Variants in PGGT1B observed in about 807,000 individuals in gnomAD.
The protein encoded by PGGT1B is geranylgeranyl transferase type-1 subunit beta.
PGGT1B carries 30 observed loss-of-function variants against 46.1 expected under a neutral mutation model. That is an observed-to-expected ratio of 0.65 (90% CI 0.49 to 0.88). PGGT1B has a LOEUF of 0.88. Among genes scored for constraint, PGGT1B ranks in the 40% least tolerant of loss-of-function variants. PGGT1B has a pLI of 0.00. For missense variants in PGGT1B, 376 were observed against 455.9 expected, an observed-to-expected ratio of 0.82 and a Z score of 1.60; for synonymous variants, 170 against 160.0, an observed-to-expected ratio of 1.06 and a Z score of -0.47.
rs544020551 is a variant in PGGT1B at position 115,254,769 on chromosome 5, T to A, written c.141-1514A>T. Among the ~76,000 whole-genome samples, 4 of 152,250 alleles carry A rather than the reference T, an allele frequency of 2.6e-5. No homozygotes were observed. In the East Asian group the frequency reaches 7.7e-4, roughly 29 times the overall value. ...TTTGGGTGCACTTCAGAAATAAATA[T>A]TTGGGAAACATCCTATTGAGAGACT... On this transcript the variant is annotated intron_variant, in intron 1 of 8. Coordinates refer to ENST00000419445, the MANE Select transcript of PGGT1B (RefSeq NM_005023.4).
In PGGT1B at chr5:115,204,884, T is replaced by G. The variant is rs1469708453; in HGVS notation, c.*7518A>C. 6.6e-6 allele frequency: 1 copy of G among 152,228 alleles called. No homozygotes were observed. Among genetic ancestry groups the G allele is most frequent in the Non-Finnish European group, 1.5e-5 (1 of 68,038 alleles). The allele number at this position is 152,228 out of a possible 1,614,324, so 9.4% of individuals were successfully genotyped here. ...AAAAGTGAAAAGCATCTTCTGATTA[T>G]TTCCACAAGTTAACCACTGAATAAC... is the stretch of plus-strand genomic sequence containing the variant. On this transcript the variant is annotated 3_prime_UTR_variant, in exon 9 of 9. Coordinates refer to ENST00000419445, the MANE Select transcript of PGGT1B (RefSeq NM_005023.4).
Position 115,209,590 on chromosome 5 carries a change from T to C in PGGT1B, c.*2812A>G, listed in dbSNP as rs995588000. ...AAGTTCATAGAGATACCTTGTCATC[T>C]AGCGTTGTAATAGTGTCTGTGGCTA... On this transcript the variant is annotated 3_prime_UTR_variant, in exon 9 of 9. Coordinates refer to ENST00000419445, the MANE Select transcript of PGGT1B (RefSeq NM_005023.4). The C allele has an allele frequency of 3.3e-5, 5 of 152,152 alleles. No individual in the cohort carries two copies. Among genetic ancestry groups the C allele is most frequent in the Non-Finnish European group, 5.9e-5 (4 of 68,018 alleles). The allele number at this position is 152,152 out of a possible 1,614,324, so 9.4% of individuals were successfully genotyped here.
At chr5:115,215,731 C>T (rs1290543213) in intron 8 of PGGT1B, among the ~76,000 whole-genome samples, 1 of 152,190 alleles carries the variant, frequency 6.6e-6, no homozygotes, top group Non-Finnish European at 1.5e-5. Context: ...CCAACCACAG[C>T]AGTTCTGTGA....
At chr5:115,239,145 C>T (rs1444625365) in intron 3 of PGGT1B, among the ~76,000 whole-genome samples, 2 of 152,108 alleles carry the variant, frequency 1.3e-5, no homozygotes, top group South Asian at 2.1e-4. Context: ...TCAAGCAATC[C>T]TCCTGCCCTG....
chr5:115,249,640 A>G (rs893455730), intron 2 of PGGT1B, among the ~76,000 whole-genome samples: 1 of 152,104 alleles, frequency 6.6e-6, no homozygotes, highest in African/African-American at 2.4e-5. Flanking sequence ...GCAGGTAATC[A>G]GAATGAGTCA....
chr5:115,224,362 T>C (rs967853890), intron 6 of PGGT1B, among the ~76,000 whole-genome samples: 6 of 152,194 alleles, frequency 3.9e-5, no homozygotes, highest in South Asian at 2.1e-4. Flanking sequence ...TAATGCAAAC[T>C]GGCACAACTC....
chr5:115,242,286 G>A (rs1000328052), intron 2 of PGGT1B, among the ~76,000 whole-genome samples: 1 of 151,956 alleles, frequency 6.6e-6, no homozygotes, highest in African/African-American at 2.4e-5. Flanking sequence ...TATAAGTTGG[G>A]AACTTGAAAG....
At chr5:115,214,779 TCCTAAGAGACTGTCATTTC>T (rs1408102210) in intron 8 of PGGT1B, among the ~76,000 whole-genome samples, 11 of 152,328 alleles carry the variant, frequency 7.2e-5, no homozygotes, top group African/African-American at 2.6e-4. Flanking sequence ...AAGAAATGTT[TCCTAAGAGACTGTCATTTC>T]CCTACTCCCA....
intron 2 of PGGT1B, among the ~76,000 whole-genome samples, chr5:115,247,772 T>A (rs1431685586): frequency 6.6e-6 from 1 of 152,202 alleles, no homozygotes; most frequent in African/African-American, 2.4e-5. Flanking sequence ...CAGGAGATAT[T>A]CTTTCACAGA....
chr5:115,212,722 T>G, intron 8 of PGGT1B, 139 bp from the exon 9 acceptor site: 1 of 563,052 alleles, frequency 1.8e-6, no homozygotes, highest in Non-Finnish European at 3.0e-6. Context: ...TTAAAAATAT[T>G]TGCTTTCTCA....
At chr5:115,233,468 A>C (rs1757059235) in intron 5 of PGGT1B, among the ~76,000 whole-genome samples, 1 of 151,726 alleles carries the variant, frequency 6.6e-6, no homozygotes, top group Admixed American at 6.6e-5. Flanking sequence ...GTCAAAGAGA[A>C]AGTGGCTGAA....
At chr5:115,227,310 C>A (rs1756819781) in intron 6 of PGGT1B, among the ~76,000 whole-genome samples, 1 of 152,152 alleles carries the variant, frequency 6.6e-6, no homozygotes, top group Admixed American at 6.5e-5. Context: ...TCCCCAGGAT[C>A]CACTTCCCTG....
At chr5:115,227,139 T>C (rs760062814) in intron 6 of PGGT1B, among the ~76,000 whole-genome samples, 8 of 152,140 alleles carry the variant, frequency 5.3e-5, no homozygotes, top group Non-Finnish European at 1.0e-4. Context: ...AGGGACTTAA[T>C]TGTAGGCAGG....
At chr5:115,257,169 G>T (rs1169230222) in intron 1 of PGGT1B, among the ~76,000 whole-genome samples, 2 of 134,594 alleles carry the variant, frequency 1.5e-5, no homozygotes, top group Non-Finnish European at 3.1e-5. Context: ...GTCTCCAAAA[G>T]ATGTCAAATA....
chr5:115,254,882 A>G (rs1748248302), intron 1 of PGGT1B, among the ~76,000 whole-genome samples: 1 of 152,144 alleles, frequency 6.6e-6, no homozygotes, highest in Non-Finnish European at 1.5e-5. Flanking sequence ...TATTTGAATT[A>G]GAGAGGTAAT....
intron 7 of PGGT1B, among the ~76,000 whole-genome samples, chr5:115,219,732 A>G (rs1756529962): frequency 6.6e-6 from 1 of 151,894 alleles, no homozygotes; most frequent in African/African-American, 2.4e-5. Flanking sequence ...ATGAACTCCC[A>G]CAACTTTATA....
At position 115,204,239 on chromosome 5, in the gene PGGT1B, A is replaced by C. The variant is rs1365363551; in HGVS notation, c.*8163T>G. On this transcript the variant is annotated 3_prime_UTR_variant, in exon 9 of 9. Coordinates refer to ENST00000419445, the MANE Select transcript of PGGT1B (RefSeq NM_005023.4). ...GGTTCTCAACTTTGAATGTGCATTG[A>C]AACCACTTGGAGGGCTTGTTTAAAA... 1 of 152,164 alleles carries C rather than the reference A, an allele frequency of 6.6e-6. No individual in the cohort carries two copies. Among genetic ancestry groups the C allele is most frequent in the Non-Finnish European group, 1.5e-5 (1 of 68,020 alleles). The allele number at this position is 152,164 out of a possible 1,614,324, so 9.4% of individuals were successfully genotyped here.
intron 1 of PGGT1B, among the ~76,000 whole-genome samples, chr5:115,258,360 T>C (rs1369680470): frequency 6.6e-6 from 1 of 152,238 alleles, no homozygotes; most frequent in Non-Finnish European, 1.5e-5. Flanking sequence ...TCTCCTGGAC[T>C]ACCACATGAG....
intron 2 of PGGT1B, among the ~76,000 whole-genome samples, chr5:115,244,161 T>C (rs1455288343): frequency 2.0e-5 from 3 of 152,020 alleles, no homozygotes; most frequent in Non-Finnish European, 4.4e-5. Flanking sequence ...TGGGGCAACA[T>C]CTTTAGAATT....
Sources: gnomAD v4.1 joint callset for allele counts (sites outside exome capture counted in the v4.1 genomes callset) on GRCh38, gnomAD v4.1.1 for gene constraint, MANE v1.5 for transcripts, NCBI Gene and HGNC (gene_info 2026-07-23, HGNC 2026-07-21) for gene names.